JPH3: variants seen among roughly 807,000 people sequenced by gnomAD.
The protein encoded by JPH3 is junctophilin 3.
A neutral mutation model predicts 59.6 loss-of-function variants in JPH3; 11 were observed. That is an observed-to-expected ratio of 0.18 (90% CI 0.12 to 0.31). JPH3 has a LOEUF of 0.31. Ranked by LOEUF, JPH3 falls within the 10% of genes least tolerant of loss-of-function variation. JPH3 has a pLI of 1.00. For missense variants in JPH3, 1,202 were observed against 1,105.7 expected, an observed-to-expected ratio of 1.09 and a Z score of -1.24; for synonymous variants, 673 against 483.6, an observed-to-expected ratio of 1.39 and a Z score of -5.14.
chr16:87,641,540 C>T (rs1423355192), intron 1 of JPH3, among the ~76,000 whole-genome samples: 3 of 152,220 alleles, frequency 2.0e-5, no homozygotes, highest in Non-Finnish European at 4.4e-5. Context: ...TCGGCCCCGT[C>T]CTCTGCTGCC....
Position 87,603,485 on chromosome 16 carries a change from C to T in JPH3, c.339C>T (p.Asn113=). 1.9e-6 allele frequency: 3 copies of T among 1,554,864 alleles called. No homozygotes were observed. Among genetic ancestry groups the T allele is most frequent in the Non-Finnish European group, 8.7e-7 (1 of 1,149,956 alleles). The change falls in exon 1 of 5, where the codon AAC becomes AAT. Residue 113 remains asparagine, a synonymous_variant. Coordinates refer to ENST00000284262, the MANE Select transcript of JPH3 (RefSeq NM_020655.4). ...NGAKYEGTWS[N]GLQDGYGTET... ...CCAAATACGAAGGGACCTGGAGCAA[C>T]GGGCTGCAGGACGGCTACGGGACCG...
intron 1 of JPH3, among the ~76,000 whole-genome samples, chr16:87,616,011 G>T (rs1017936374): frequency 2.4e-4 from 36 of 152,174 alleles, no homozygotes; most frequent in African/African-American, 8.7e-4. Context: ...GCGTGCAGGG[G>T]CACCACGGCC....
In JPH3 at chr16:87,620,719, CGGA is replaced by C. The variant is rs532422996; in HGVS notation, c.382+17199_382+17201del. Among the ~76,000 whole-genome samples the C allele has an allele frequency of 1.2e-4, 19 of 152,292 alleles. No homozygotes were observed. In the East Asian group the frequency reaches 3.3e-3, roughly 26 times the overall value. ...TGTGAGGCGCTGTCCTCCTGCTGCC[CGGA>C]GGAGGAGACTGAGGCCAGAGATGCG... On this transcript the variant is annotated intron_variant, in intron 1 of 4. Coordinates refer to ENST00000284262, the MANE Select transcript of JPH3 (RefSeq NM_020655.4).
intron 2 of JPH3, among the ~76,000 whole-genome samples, chr16:87,676,776 C>G (rs774526822): frequency 6.6e-6 from 1 of 150,494 alleles, no homozygotes; most frequent in Non-Finnish European, 1.5e-5. Context: ...TGGCTCACAC[C>G]TGTAATCTCA....
At chr16:87,620,455 G>C (rs1307820904) in intron 1 of JPH3, among the ~76,000 whole-genome samples, 1 of 140,424 alleles carries the variant, frequency 7.1e-6, no homozygotes, top group African/African-American at 2.8e-5. Flanking sequence ...AGAGAGAGAA[G>C]GAGAGAGAGG....
chr16:87,672,412 G>A (rs929735528), intron 2 of JPH3, among the ~76,000 whole-genome samples: 1 of 152,208 alleles, frequency 6.6e-6, no homozygotes, highest in African/African-American at 2.4e-5. Context: ...CCTTGGCAGG[G>A]GTTCCGTCCC....
At chr16:87,681,470 G>T (rs1381943056) in intron 2 of JPH3, among the ~76,000 whole-genome samples, 5 of 106,922 alleles carry the variant, frequency 4.7e-5, no homozygotes, top group African/African-American at 1.8e-4. Context: ...GCGCGCGGTG[G>T]TGACAGTGCC....
At position 87,667,372 on chromosome 16, in the gene JPH3, C is replaced by G. The variant is rs191569864; in HGVS notation, c.1161-16770C>G. On this transcript the variant is annotated intron_variant, in intron 2 of 4. Coordinates refer to ENST00000284262, the MANE Select transcript of JPH3 (RefSeq NM_020655.4). Reference sequence around the variant, plus strand: ...TTGTTAGGGGCCACCATTCAGCTGACTGTCTTTGCCAAGCACAGGCAGTGG... The same window carrying G: ...TTGTTAGGGGCCACCATTCAGCTGAGTGTCTTTGCCAAGCACAGGCAGTGG... Among the ~76,000 whole-genome samples, 5 of 152,370 alleles carry G rather than the reference C, an allele frequency of 3.3e-5. No individual in the cohort carries two copies. In the East Asian group the frequency reaches 9.6e-4, roughly 29 times the overall value.
intron 2 of JPH3, among the ~76,000 whole-genome samples, chr16:87,659,554 C>G (rs555232714): frequency 5.9e-5 from 9 of 152,076 alleles, no homozygotes; most frequent in Admixed American, 2.6e-4. Context: ...GAAATTCCAT[C>G]TCTACTAAAA....
At chr16:87,676,865 G>A (rs759208777) in intron 2 of JPH3, among the ~76,000 whole-genome samples, 7 of 151,496 alleles carry the variant, frequency 4.6e-5, no homozygotes, top group African/African-American at 7.3e-5. Context: ...GCGAAACCCC[G>A]TCTCTACTAA....
At chr16:87,661,989 G>T (rs2032719375) in intron 2 of JPH3, among the ~76,000 whole-genome samples, 1 of 152,224 alleles carries the variant, frequency 6.6e-6, no homozygotes, top group South Asian at 2.1e-4. Context: ...CTGTTATTTA[G>T]TATGTTAATT....
chr16:87,626,054 C>T (rs969776818), intron 1 of JPH3, among the ~76,000 whole-genome samples: 7 of 152,238 alleles, frequency 4.6e-5, no homozygotes, highest in African/African-American at 1.4e-4. Flanking sequence ...TTGGAGTATG[C>T]GTAAGTTACT....
chr16:87,631,015 C>G (rs898260589), intron 1 of JPH3, among the ~76,000 whole-genome samples: 3 of 152,176 alleles, frequency 2.0e-5, no homozygotes, highest in African/African-American at 7.2e-5. Context: ...AATTGTCTCG[C>G]TTTTTTTCAG....
chr16:87,687,718 G>A (rs116444087), intron 3 of JPH3, among the ~76,000 whole-genome samples: 1,849 of 152,300 alleles, frequency 0.012, 36 homozygotes, highest in African/African-American at 0.043. Flanking sequence ...GCTCATTCTA[G>A]CTGAGGGTGC....
rs1035715226 is a variant in JPH3, at chr16:87,670,386, G to A, written c.1161-13756G>A. On this transcript the variant is annotated intron_variant, in intron 2 of 4. Transcript: ENST00000284262. ...GAGGTTCTCCCGGCCAGGCCTGACT[G>A]ACGCCCCTGCTGCTCCCTGTGGTCC... 3.3e-5 allele frequency among the ~76,000 whole-genome samples: 5 copies of A among 152,216 alleles called. No individual in the cohort carries two copies. In the South Asian group the frequency reaches 1.0e-3, roughly 31 times the overall value.
At chr16:87,670,627 G>A (rs1567608206) in intron 2 of JPH3, among the ~76,000 whole-genome samples, 1 of 152,256 alleles carries the variant, frequency 6.6e-6, no homozygotes. Context: ...CACCCACTGG[G>A]TGCCACACAC....
At chr16:87,667,016 C>G (rs975800809) in intron 2 of JPH3, among the ~76,000 whole-genome samples, 7 of 152,198 alleles carry the variant, frequency 4.6e-5, no homozygotes, top group African/African-American at 1.7e-4. Flanking sequence ...AAACGCAGTC[C>G]CCCAGCTCCG....
intron 2 of JPH3, among the ~76,000 whole-genome samples, chr16:87,665,993 C>T (rs2032848673): frequency 6.6e-6 from 1 of 152,208 alleles, no homozygotes; most frequent in African/African-American, 2.4e-5. Flanking sequence ...CCAGGGTGTG[C>T]AGAGGCCCGC....
intron 1 of JPH3, among the ~76,000 whole-genome samples, chr16:87,620,371 C>T (rs115876706): frequency 0.03 from 2,025 of 67,762 alleles, 52 homozygotes; most frequent in African/African-American, 0.11. Context: ...AGAGCGGGGA[C>T]GGGGGGCAAA....
Sources: gnomAD v4.1 joint callset for allele counts (sites outside exome capture counted in the v4.1 genomes callset) on GRCh38, gnomAD v4.1.1 for gene constraint, MANE v1.5 for transcripts, NCBI Gene and HGNC (gene_info 2026-07-23, HGNC 2026-07-21) for gene names.